The following DNAJB12 variants were observed in gnomAD, a reference collection of about 807,000 sequenced individuals.
The protein encoded by DNAJB12 is DnaJ heat shock protein family (Hsp40) member B12, also known as dnaJ homolog subfamily B member 12.
DNAJB12 carries 14 observed loss-of-function variants against 40.6 expected under a neutral mutation model. The observed-to-expected ratio is 0.34, with a 90% CI of 0.23 to 0.54. The LOEUF (loss-of-function observed/expected upper bound fraction) is 0.54, where lower values mean the gene tolerates loss of function less well. DNAJB12 is among the 20% of genes least tolerant of loss of function. The pLI, the probability that DNAJB12 is intolerant of heterozygous loss-of-function variation, is 0.92. For synonymous variants in DNAJB12, 181 were observed against 199.5 expected, an observed-to-expected ratio of 0.91 and a Z score of 0.78; for missense variants, 444 against 501.7, an observed-to-expected ratio of 0.89 and a Z score of 1.10.
rs1420093726 is a variant in DNAJB12, at chr10:72,344,775, T to C, written c.311+175A>G. Reference sequence around the variant, plus strand: ...GTTCCCACACTGTATTCCTGGGCCTTGAGGGAAATAAGGAGAGGTCCTGGT... The same window carrying C: ...GTTCCCACACTGTATTCCTGGGCCTCGAGGGAAATAAGGAGAGGTCCTGGT... On this transcript the variant is annotated intron_variant, in intron 2 of 8. Coordinates refer to ENST00000444643, the MANE Select transcript of DNAJB12 (RefSeq NM_017626.7). Among the ~76,000 whole-genome samples the C allele has an allele frequency of 2.0e-5, 3 of 152,118 alleles. No homozygotes were observed. In the East Asian group the frequency reaches 5.8e-4, roughly 29 times the overall value.
At chr10:72,353,595 C>G (rs1476595400) in intron 1 of DNAJB12, 1 of 152,250 alleles carries the variant, frequency 6.6e-6, no homozygotes, top group African/African-American at 2.4e-5. Flanking sequence ...GCTGTGTCAT[C>G]CTGGGCATCC....
chr10:72,334,693 C>A (rs1861417684), intron 8 of DNAJB12, 76 bp from the exon 9 acceptor site: 2 of 1,481,710 alleles, frequency 1.3e-6, no homozygotes, highest in East Asian at 5.2e-5. Context: ...ACACAAGTAG[C>A]CCCCCTTGCC....
chr10:72,335,996 C>G lies in DNAJB12; in HGVS notation c.1007-65G>C. On this transcript the variant is annotated intron_variant, in intron 7 of 8. Coordinates refer to ENST00000444643, the MANE Select transcript of DNAJB12 (RefSeq NM_017626.7). This position sits in a 1 kb window ranked among gnomAD's most constrained non-coding sequence, Gnocchi z 4.4. ...CTCCCGAAGCCTGCAAGGAAGCCTGCGAGGGCTGTGGAGGGCGGAGGAAAG... is the reference window on the plus strand; with the variant it reads ...CTCCCGAAGCCTGCAAGGAAGCCTGGGAGGGCTGTGGAGGGCGGAGGAAAG... The G allele has an allele frequency of 6.3e-7, 1 of 1,594,662 alleles. No individual in the cohort carries two copies.
At chr10:72,342,802 A>C (rs1197566508) in intron 3 of DNAJB12, among the ~76,000 whole-genome samples, 2 of 152,198 alleles carry the variant, frequency 1.3e-5, no homozygotes, top group Non-Finnish European at 2.9e-5. Flanking sequence ...TAATGAATAA[A>C]GGGCAGCTTA....
At position 72,345,064 on chromosome 10, in the gene DNAJB12, G is replaced by C; in HGVS notation, c.197C>G (p.Thr66Arg). ...TGCTTTCCTGTGGGTGGCATGGGTT[G>C]TGTCTGTGGGTGGGGGTTGGTCACC... ...TAGDQPPPTD[T>R]THATHRKAGG... Residue 66 changes from threonine to arginine, a missense_variant, in exon 2 of 9, where the codon ACA becomes AGA. Coordinates refer to ENST00000444643, the MANE Select transcript of DNAJB12 (RefSeq NM_017626.7). The C allele has an allele frequency of 6.2e-7, 1 of 1,614,226 alleles. No individual in the cohort carries two copies. The highest frequency in any genetic ancestry group is 8.5e-7 in the Non-Finnish European group (1 of 1,180,044).
At chr10:72,354,566 C>G (rs1263549799) in intron 1 of DNAJB12, among the ~76,000 whole-genome samples, 199 bp downstream of exon 1, 1 of 152,208 alleles carries the variant, frequency 6.6e-6, no homozygotes, top group African/African-American at 2.4e-5. Flanking sequence ...CCCGGCCGCC[C>G]GAGTCTCCAG....
chr10:72,340,601 G>A (rs752090657), intron 5 of DNAJB12, among the ~76,000 whole-genome samples, 188 bp downstream of exon 5: 2 of 152,184 alleles, frequency 1.3e-5, no homozygotes, highest in East Asian at 3.9e-4. Flanking sequence ...TGGCTCCCTC[G>A]TGTGGCGCCC....
intron 8 of DNAJB12, chr10:72,334,897 C>T: frequency 7.9e-7 from 1 of 1,271,734 alleles, no homozygotes; most frequent in Admixed American, 4.0e-5. Flanking sequence ...TGCTTCTGCC[C>T]ACACTTCTCT....
chr10:72,353,293 CA>C (rs1323414892), intron 1 of DNAJB12: 2 of 152,238 alleles, frequency 1.3e-5, no homozygotes, highest in African/African-American at 4.8e-5. Flanking sequence ...GATACCACCC[CA>C]CCACAGAATA....
intron 6 of DNAJB12, 144 bp downstream of exon 6, chr10:72,338,058 A>T: frequency 1.5e-6 from 1 of 657,390 alleles, no homozygotes; most frequent in Non-Finnish European, 2.6e-6. Flanking sequence ...TTGAATAGAG[A>T]AAGTATATTT....
At position 72,354,786 on chromosome 10, in the gene DNAJB12, A is replaced by G; in HGVS notation, c.112T>C (p.Tyr38His). 1 of 1,613,314 alleles carries G rather than the reference A, an allele frequency of 6.2e-7. No homozygotes were observed. Among genetic ancestry groups the G allele is most frequent in the Non-Finnish European group, 8.5e-7 (1 of 1,179,690 alleles). ...LRFLEKAQRL[Y>H]PTPRVRALIE... is the part of the protein sequence containing the mutation. ...TCACCGCGAACTCGCGGCGTCGGAT[A>G]CAGCCGCTGTGCCTTCTCCAGGAAG... The change falls in exon 1 of 9, where the codon TAT (tyrosine) becomes CAT (histidine). Residue 38 changes from tyrosine to histidine, a missense_variant. Transcript: ENST00000444643.
chr10:72,347,328 G>A (rs552963360), intron 1 of DNAJB12, among the ~76,000 whole-genome samples: 1 of 152,296 alleles, frequency 6.6e-6, no homozygotes, highest in African/African-American at 2.4e-5. Context: ...GTGCCAAGCT[G>A]GGAAAAGTAC....
chr10:72,343,556 T>C (rs771688457), intron 2 of DNAJB12, 45 bp from the exon 3 acceptor site: 4 of 1,604,750 alleles, frequency 2.5e-6, no homozygotes, highest in Non-Finnish European at 3.4e-6. Context: ...TACATGGGTC[T>C]GTGTGAGGGG....
intron 5 of DNAJB12, 53 bp from the exon 6 acceptor site, chr10:72,338,364 A>G (rs1156338339): frequency 6.7e-7 from 1 of 1,488,656 alleles, no homozygotes; most frequent in Non-Finnish European, 9.3e-7. Flanking sequence ...GTGTGGTGTC[A>G]GCCATAATCA....
intron 1 of DNAJB12, among the ~76,000 whole-genome samples, chr10:72,346,899 GCAC>G (rs1861803931): frequency 1.3e-5 from 2 of 151,086 alleles, no homozygotes; most frequent in Admixed American, 1.3e-4. Flanking sequence ...TGTTTGCATT[GCAC>G]CACATTTTGA....
intron 1 of DNAJB12, among the ~76,000 whole-genome samples, chr10:72,347,653 C>T (rs891256604): frequency 1.3e-5 from 2 of 152,226 alleles, no homozygotes; most frequent in Admixed American, 6.5e-5. Context: ...CTGTGGCTCA[C>T]GCCTGTAATC....
At chr10:72,346,621 G>A (rs904328268) in intron 1 of DNAJB12, among the ~76,000 whole-genome samples, 4 of 150,822 alleles carry the variant, frequency 2.7e-5, no homozygotes, top group South Asian at 2.1e-4. Context: ...CACCGTGCCC[G>A]GCCTAATTTT....
At chr10:72,339,717 CTTTT>C (rs543639307) in intron 5 of DNAJB12, among the ~76,000 whole-genome samples, 1 of 143,938 alleles carries the variant, frequency 6.9e-6, no homozygotes, top group African/African-American at 2.5e-5. Flanking sequence ...AATTTTTATA[CTTTT>C]TTTTTTTTTT....
intron 1 of DNAJB12, 84 bp downstream of exon 1, chr10:72,354,681 T>A: frequency 5.4e-5 from 47 of 866,580 alleles, no homozygotes; most frequent in Middle Eastern, 3.6e-4. Context: ...CCCCTCCCCC[T>A]CCCCCAACTG....
Sources: allele counts gnomAD v4.1 joint callset (sites outside exome capture counted in the v4.1 genomes callset), GRCh38; gene constraint gnomAD v4.1.1; non-coding constraint Gnocchi (gnomAD v3.1); transcripts MANE v1.5; gene names NCBI Gene and HGNC (gene_info 2026-07-23, HGNC 2026-07-21).